The following NCOA2 variants were observed in gnomAD, a reference collection of about 807,000 sequenced individuals.
NCOA2 encodes class E basic helix-loop-helix protein 75.
A neutral mutation model predicts 145.1 loss-of-function variants in NCOA2; 21 were observed. The observed-to-expected ratio is 0.14, with a 90% CI of 0.10 to 0.21. NCOA2 has a LOEUF of 0.21. NCOA2 is among the 10% of genes least tolerant of loss of function. NCOA2 has a pLI of 1.00. For missense variants in NCOA2, 1,472 were observed against 1,837.6 expected, an observed-to-expected ratio of 0.80 and a Z score of 3.64; for synonymous variants, 619 against 637.5, an observed-to-expected ratio of 0.97 and a Z score of 0.44.
intron 7 of NCOA2, among the ~76,000 whole-genome samples, chr8:70,165,592 G>GGCTT (rs1813518264): frequency 6.6e-6 from 1 of 152,156 alleles, no homozygotes; most frequent in African/African-American, 2.4e-5. Context: ...CTGTGTGGAC[G>GGCTT]GCTTGCCTAG....
chr8:70,342,624 C>G (rs891648571), intron 1 of NCOA2, among the ~76,000 whole-genome samples: 3 of 151,828 alleles, frequency 2.0e-5, no homozygotes, highest in African/African-American at 7.3e-5. Context: ...TTGTCACATG[C>G]TGAATTAATG....
chr8:70,336,935 G>A (rs1807650728), intron 1 of NCOA2, among the ~76,000 whole-genome samples: 2 of 152,112 alleles, frequency 1.3e-5, no homozygotes, highest in Non-Finnish European at 2.9e-5. Context: ...GGGGCCATGT[G>A]AAGAGGGGAG....
Position 70,265,835 on chromosome 8 carries a change from T to TG in NCOA2, c.-20+30908_-20+30909insC, listed in dbSNP as rs113615916. On this transcript the variant is annotated intron_variant, in intron 2 of 22. Coordinates refer to ENST00000452400, the MANE Select transcript of NCOA2 (RefSeq NM_006540.4). ...TTTTTGTTGTTGTTGTTGTTGTTGT[T>TG]TTGTTTGTTTTTTTAAAGAGACAGA... Among the ~76,000 whole-genome samples, 370 of 151,350 alleles carry TG rather than the reference T, an allele frequency of 2.4e-3. 2 individuals carry two copies. Among genetic ancestry groups the TG allele is most frequent in the African/African-American group, 8.5e-3 (347 of 40,714 alleles).
Position 70,228,004 on chromosome 8 carries a change from C to CAA in NCOA2, c.-19-11242_-19-11241dup, listed in dbSNP as rs34992637. On this transcript the variant is annotated intron_variant, in intron 2 of 22. Transcript: ENST00000452400. ...TGGGCGACAGAGTGAGACTCCATCT[C>CAA]AAAAAAAAAAAAAAAAAGCCAAATT... Among the ~76,000 whole-genome samples the CAA allele has an allele frequency of 8.3e-3, 924 of 111,670 alleles. 13 individuals carry two copies. The highest frequency in any genetic ancestry group is 0.023 in the South Asian group (67 of 2,922). The allele number at this position is 111,670 out of a possible 152,430, so 73.3% of individuals were successfully genotyped here. A position where few individuals can be genotyped will look rare whatever the true frequency, so the allele number is the denominator to read the frequency against.
chr8:70,397,630 T>A (rs537054826), intron 1 of NCOA2, among the ~76,000 whole-genome samples: 1 of 152,168 alleles, frequency 6.6e-6, no homozygotes, highest in Non-Finnish European at 1.5e-5. Flanking sequence ...AGGCAACGCC[T>A]ATCACCTTCG....
chr8:70,364,713 C>G (rs1039036774), intron 1 of NCOA2, among the ~76,000 whole-genome samples: 1 of 149,796 alleles, frequency 6.7e-6, no homozygotes, highest in African/African-American at 2.5e-5. Flanking sequence ...TCTCTCTTGA[C>G]CACTACATTA....
intron 22 of NCOA2, 39 bp downstream of exon 22, chr8:70,121,263 T>G (rs747861797): frequency 1.3e-6 from 2 of 1,535,388 alleles, no homozygotes; most frequent in Non-Finnish European, 1.8e-6. Flanking sequence ...TCATGTTTGC[T>G]TTACTTCCAT....
rs1819148581 is a variant in NCOA2 at position 70,212,558 on chromosome 8, ATACTT to A, written c.259+1340_259+1344del. Among the ~76,000 whole-genome samples the A allele has an allele frequency of 2.6e-5, 4 of 152,326 alleles. No individual in the cohort carries two copies. In the South Asian group the frequency reaches 8.3e-4, roughly 32 times the overall value. On this transcript the variant is annotated intron_variant, in intron 4 of 22. Transcript: ENST00000452400. ...TTTTATGTTCTTAGAAGACAGAACT[ATACTT>A]GTAAAACTATTTTATACAGAATTTA...
chr8:70,429,850 T>C, the NCOA2 span, among the ~76,000 whole-genome samples: 4 of 152,170 alleles, frequency 2.6e-5, no homozygotes, highest in Non-Finnish European at 5.9e-5. Flanking sequence ...TTTGCTTTTG[T>C]TTTTGTGTGT....
intron 4 of NCOA2, among the ~76,000 whole-genome samples, chr8:70,178,575 C>G (rs1815120839): frequency 6.6e-6 from 1 of 152,148 alleles, no homozygotes; most frequent in Admixed American, 6.5e-5. Context: ...CCTGCACTGT[C>G]TGTGCAGGGG....
intron 4 of NCOA2, among the ~76,000 whole-genome samples, chr8:70,188,345 T>C (rs541746255): frequency 2.1e-4 from 32 of 152,326 alleles, no homozygotes; most frequent in African/African-American, 7.5e-4. Flanking sequence ...TGGCTGCATA[T>C]AGGGTTTCCT....
chr8:70,217,515 C>T (rs908214779), intron 2 of NCOA2, among the ~76,000 whole-genome samples: 6 of 152,138 alleles, frequency 3.9e-5, no homozygotes, highest in Admixed American at 2.6e-4. Context: ...TGGCTGCTAA[C>T]GCCAAAGGTC....
At chr8:70,279,464 T>C (rs1825715956) in intron 2 of NCOA2, among the ~76,000 whole-genome samples, 1 of 152,214 alleles carries the variant, frequency 6.6e-6, no homozygotes, top group Admixed American at 6.5e-5. Context: ...AGAAGGACTT[T>C]CCTAGGCTCT....
chr8:70,410,849 C>A, the NCOA2 span, among the ~76,000 whole-genome samples: 1 of 152,122 alleles, frequency 6.6e-6, no homozygotes, highest in African/African-American at 2.4e-5. Context: ...ACTACAGGTG[C>A]AGGCAAAATG....
chr8:70,329,533 G>A (rs1164902027), intron 1 of NCOA2, among the ~76,000 whole-genome samples: 1 of 152,034 alleles, frequency 6.6e-6, no homozygotes, highest in Non-Finnish European at 1.5e-5. Context: ...GAGTCCACAT[G>A]CCTCAGCCAA....
chr8:70,388,076 A>G (rs1210509191), intron 1 of NCOA2, among the ~76,000 whole-genome samples: 1 of 152,230 alleles, frequency 6.6e-6, no homozygotes, highest in Non-Finnish European at 1.5e-5. Flanking sequence ...GAGCCACAAC[A>G]TTTGTGAGCA....
intron 7 of NCOA2, 37 bp downstream of exon 7, chr8:70,166,529 C>T: frequency 6.2e-7 from 1 of 1,606,320 alleles, no homozygotes; most frequent in South Asian, 1.1e-5. Context: ...GGAATAAATA[C>T]ACAGACACAC....
At chr8:70,159,722 TA>T in intron 9 of NCOA2, 70 bp from the exon 10 acceptor site, 1 of 1,341,234 alleles carries the variant, frequency 7.5e-7, no homozygotes, top group Non-Finnish European at 1.0e-6. Context: ...GGACAAGACA[TA>T]ATAAGAGTAA....
At chr8:70,167,822 G>A (rs189846601) in intron 6 of NCOA2, among the ~76,000 whole-genome samples, 1 of 152,280 alleles carries the variant, frequency 6.6e-6, no homozygotes, top group East Asian at 1.9e-4. Context: ...ATAAAACAAT[G>A]ACTGATTTTG....
Sources: allele counts gnomAD v4.1 joint callset (sites outside exome capture counted in the v4.1 genomes callset), GRCh38; gene constraint gnomAD v4.1.1; transcripts MANE v1.5; gene names NCBI Gene and HGNC (gene_info 2026-07-23, HGNC 2026-07-21).